EYA1: variants seen among roughly 807,000 people sequenced by gnomAD.
EYA1 encodes protein phosphatase EYA1.
Under a neutral mutation model 82.0 loss-of-function variants are expected in EYA1, and 16 were observed. The ratio of observed to expected loss-of-function variants is 0.20; its 90% CI spans 0.13 to 0.30. The LOEUF (loss-of-function observed/expected upper bound fraction) is 0.30. EYA1 is among the 10% of genes least tolerant of loss of function. EYA1 has a pLI of 1.00. For missense variants in EYA1, 633 were observed against 730.7 expected (o/e 0.87, Z 1.54); for synonymous variants, 261 against 264.4 (o/e 0.99, Z 0.12).
chr8:71,352,002 G>A (rs577513065), intron 3 of EYA1, among the ~76,000 whole-genome samples: 10 of 152,244 alleles, frequency 6.6e-5, no homozygotes, highest in South Asian at 2.1e-4. Flanking sequence ...ATTGGGCTGC[G>A]GAGAAGTCAC....
intron 11 of EYA1, among the ~76,000 whole-genome samples, chr8:71,258,090 T>C (rs943450648): frequency 1.3e-5 from 2 of 152,156 alleles, no homozygotes; most frequent in Non-Finnish European, 2.9e-5. Flanking sequence ...GTGGCATTAG[T>C]TTAGAATAGT....
intron 9 of EYA1, among the ~76,000 whole-genome samples, chr8:71,296,846 C>G (rs140012707): frequency 6.6e-6 from 1 of 152,050 alleles, no homozygotes; most frequent in African/African-American, 2.4e-5. Context: ...CTAAGAAAGA[C>G]AAGTTAATGC....
At chr8:71,270,146 G>A (rs2128948811) in intron 10 of EYA1, 1 of 246,630 alleles carries the variant, frequency 4.1e-6, no homozygotes, top group East Asian at 9.6e-5. Flanking sequence ...AGCTAGTCTG[G>A]TTATAACTTG....
chr8:71,372,966 T>G (rs58577003), intron 2 of EYA1, among the ~76,000 whole-genome samples: 3,606 of 152,168 alleles, frequency 0.024, 151 homozygotes, highest in African/African-American at 0.082. Context: ...GAAATAGGTG[T>G]AGAAGGAAAT....
chr8:71,412,729 T>C (rs1830674109), intron 2 of EYA1, among the ~76,000 whole-genome samples: 2 of 152,192 alleles, frequency 1.3e-5, no homozygotes, highest in South Asian at 4.1e-4. Flanking sequence ...ACATCCTACT[T>C]AAACTGCTCT....
intron 11 of EYA1, among the ~76,000 whole-genome samples, chr8:71,250,270 C>G (rs1269743674): frequency 6.6e-6 from 1 of 152,184 alleles, no homozygotes; most frequent in Non-Finnish European, 1.5e-5. Flanking sequence ...GAAATCCTTT[C>G]CTCAAAACAC....
chr8:71,534,191 G>A (rs541164482), intron 2 of EYA1, among the ~76,000 whole-genome samples: 2 of 152,258 alleles, frequency 1.3e-5, no homozygotes, highest in Non-Finnish European at 2.9e-5. Context: ...GTTCATAAAA[G>A]GTGGCAGTAA....
chr8:71,445,698 G>A (rs765685863), intron 2 of EYA1, among the ~76,000 whole-genome samples: 21 of 152,078 alleles, frequency 1.4e-4, no homozygotes, highest in Non-Finnish European at 1.8e-4. Flanking sequence ...GTGTGCAGTG[G>A]CACGATCTCG....
intron 11 of EYA1, among the ~76,000 whole-genome samples, chr8:71,261,050 G>A (rs981430045): frequency 6.6e-6 from 1 of 152,132 alleles, no homozygotes; most frequent in African/African-American, 2.4e-5. Context: ...TACATGAGTG[G>A]TTTATTTTTA....
At chr8:71,435,841 G>C (rs1165162001) in intron 2 of EYA1, among the ~76,000 whole-genome samples, 1 of 152,078 alleles carries the variant, frequency 6.6e-6, no homozygotes. Flanking sequence ...GATATACTAA[G>C]AGTCTGATAA....
chr8:71,418,314 A>C (rs1830962467), intron 2 of EYA1, among the ~76,000 whole-genome samples: 1 of 152,174 alleles, frequency 6.6e-6, no homozygotes. Context: ...GCTACTCTTA[A>C]AAAATGAGAA....
chr8:71,432,535 C>G (rs1805700164), intron 2 of EYA1, among the ~76,000 whole-genome samples: 1 of 152,186 alleles, frequency 6.6e-6, no homozygotes, highest in African/African-American at 2.4e-5. Flanking sequence ...AGCCTCTCTC[C>G]TTGGCTTACA....
At position 71,244,649 on chromosome 8, in the gene EYA1, A is replaced by G. The variant is rs1484562404; in HGVS notation, c.1094T>C (p.Met365Thr). 2 of 1,611,144 alleles carry G rather than the reference A, an allele frequency of 1.2e-6. No individual in the cohort carries two copies. The highest frequency in any genetic ancestry group is 1.7e-6 in the Non-Finnish European group (2 of 1,177,696). The change falls in exon 12 of 18, where the codon ATG (methionine) becomes ACG (threonine). Residue 365 changes from methionine to threonine, a missense_variant. Coordinates refer to ENST00000340726, the MANE Select transcript of EYA1 (RefSeq NM_000503.6). ...ATGTGTGTCTGCCAAGTTGAAAATC[A>G]TTTCTTCCATTCGCAGTCCAAGGGA... ...SVSLGLRMEE[M>T]IFNLADTHLF...
intron 2 of EYA1, among the ~76,000 whole-genome samples, chr8:71,489,496 C>T (rs1480727307): frequency 6.6e-6 from 1 of 152,136 alleles, no homozygotes; most frequent in Admixed American, 6.5e-5. Context: ...TTGTTAAATA[C>T]CATTCTGCTC....
intron 16 of EYA1, 90 bp from the exon 17 acceptor site, chr8:71,211,346 AT>A: frequency 2.4e-6 from 2 of 849,162 alleles, no homozygotes; most frequent in Non-Finnish European, 4.0e-6. Flanking sequence ...TGCTTTCTTC[AT>A]GCTCTGATTC....
chr8:71,511,713 A>G (rs1483252516), intron 2 of EYA1, among the ~76,000 whole-genome samples: 1 of 152,182 alleles, frequency 6.6e-6, no homozygotes, highest in Non-Finnish European at 1.5e-5. Context: ...GCCTTATGCT[A>G]TTGCTTACAT....
At position 71,535,909 on chromosome 8, in the gene EYA1, C is replaced by A. The variant is rs963470359; in HGVS notation, c.-72-61G>T. On this transcript the variant is annotated intron_variant, in intron 1 of 18. Transcript: ENST00000643681. The stretch of plus-strand genomic sequence containing the variant: ...TGTGTGGCATGAAATTCAGAGCTGG[C>A]CTTCACATCTGCAGCTTTCCATTTA... The A allele has an allele frequency of 1.5e-5, 7 of 472,850 alleles. No individual in the cohort carries two copies. In the Admixed American group the frequency reaches 2.9e-4, roughly 20 times the overall value. 29.3% of individuals were successfully genotyped at this position (472,850 alleles called of 1,614,324 possible). A position where few individuals can be genotyped will look rare whatever the true frequency, so the allele number is the denominator to read the frequency against.
chr8:71,340,780 A>AT (rs1022712326), intron 3 of EYA1, among the ~76,000 whole-genome samples: 62 of 151,152 alleles, frequency 4.1e-4, no homozygotes, highest in East Asian at 7.8e-4. Context: ...ACTCAGCTAC[A>AT]TTTTTTTTTA....
intron 2 of EYA1, among the ~76,000 whole-genome samples, chr8:71,530,331 C>T (rs1204488806): frequency 6.6e-6 from 1 of 152,096 alleles, no homozygotes; most frequent in African/African-American, 2.4e-5. Context: ...GGAGCATGGC[C>T]CTGCTAACAT....
Sources: allele counts gnomAD v4.1 joint callset (sites outside exome capture counted in the v4.1 genomes callset), GRCh38; gene constraint gnomAD v4.1.1; transcripts MANE v1.5; gene names NCBI Gene and HGNC (gene_info 2026-07-23, HGNC 2026-07-21).